Variants in PRKD2 observed in about 807,000 individuals in gnomAD.
The protein encoded by PRKD2 is serine/threonine-protein kinase D2.
In PRKD2, 22 loss-of-function variants were observed where a neutral mutation model predicts 86.0. The ratio of observed to expected loss-of-function variants is 0.26; its 90% confidence interval spans 0.18 to 0.37. The LOEUF is 0.37. Among genes scored for constraint, PRKD2 ranks in the 10% least tolerant of loss-of-function variants. PRKD2 has a pLI of 1.00. For missense variants in PRKD2, 818 were observed against 1,199.2 expected (o/e 0.68, Z 4.70); for synonymous variants, 509 against 510.9 (o/e 1.00, Z 0.05).
intron 14 of PRKD2, chr19:46,689,165 A>G (rs314670): frequency 0.77 from 107,937 of 140,090 alleles, 41,844 homozygotes; most frequent in African/African-American, 0.88. Context: ...TCTGTCGCCC[A>G]GGCTGGAGTG....
chr19:46,704,747 C>T, intron 3 of PRKD2, 98 bp from the exon 4 acceptor site: 2 of 1,443,848 alleles, frequency 1.4e-6, no homozygotes, highest in Admixed American at 2.4e-5. Context: ...TCACCTGGTC[C>T]TGTCCCATCA....
intron 13 of PRKD2, 125 bp from the exon 14 acceptor site, chr19:46,689,823 G>T (rs939424023): frequency 8.8e-7 from 1 of 1,132,674 alleles, no homozygotes; most frequent in Non-Finnish European, 1.3e-6. Context: ...GGCACTTGGA[G>T]AGGGAAGGGG....
intron 3 of PRKD2, among the ~76,000 whole-genome samples, chr19:46,705,346 C>T (rs151008304): frequency 9.2e-5 from 14 of 152,038 alleles, no homozygotes; most frequent in Non-Finnish European, 2.1e-4. Context: ...CCCCTCTTTC[C>T]CCAACCCCAA....
At chr19:46,686,203 TA>T (rs1456612441) in intron 14 of PRKD2, 1 of 152,002 alleles carries the variant, frequency 6.6e-6, no homozygotes, top group Admixed American at 6.6e-5. Context: ...TTTAACATCG[TA>T]AAAGTTCCAC....
chr19:46,716,298 C>G lies in PRKD2; in HGVS notation c.73G>C (p.Gly25Arg), dbSNP rs1175980848. The change falls in exon 1 of 18, where the codon GGC (glycine) becomes CGC (arginine). Residue 25 changes from glycine to arginine, a missense_variant. This residue lies in a region of PRKD2 where 403 missense variants were observed against 518.6 expected (regional missense o/e 0.78). Transcript: ENST00000291281. This position sits in a 1 kb window ranked among gnomAD's most constrained non-coding sequence, Gnocchi z 7.9. ...GGTGGCGGCGACTGCAGCTCTAGGC[C>G]GCCGGGGGGCGGAGGAGACCCCGGC... ...PGPGSPPPPG[G>R]LELQSPPPLL... 6.5e-7 allele frequency: 1 copy of G among 1,540,222 alleles called. No individual in the cohort carries two copies. Among genetic ancestry groups the G allele is most frequent in the African/African-American group, 1.4e-5 (1 of 70,264 alleles).
At chr19:46,706,894 T>C (rs1417974141) in intron 3 of PRKD2, among the ~76,000 whole-genome samples, 1 of 112,674 alleles carries the variant, frequency 8.9e-6, no homozygotes, top group African/African-American at 3.3e-5. Flanking sequence ...CTGGATTTCT[T>C]TTTTTTTTTT....
intron 14 of PRKD2, among the ~76,000 whole-genome samples, chr19:46,687,844 G>A (rs1226613517): frequency 6.6e-6 from 1 of 152,010 alleles, no homozygotes; most frequent in African/African-American, 2.4e-5. Flanking sequence ...GAATGAATGA[G>A]AGAAAAAGGG....
chr19:46,676,779 G>A (rs530651970), intron 16 of PRKD2, among the ~76,000 whole-genome samples: 11 of 152,310 alleles, frequency 7.2e-5, no homozygotes, highest in Admixed American at 2.6e-4. Context: ...GACAATGCTG[G>A]CGGGGTGTGA....
At position 46,693,185 on chromosome 19, in the gene PRKD2, G is replaced by T. The variant is rs2053506709; in HGVS notation, c.1576+690C>A. Among the ~76,000 whole-genome samples the T allele has an allele frequency of 6.6e-6, 1 of 152,088 alleles. No homozygotes were observed. Among genetic ancestry groups the T allele is most frequent in the Admixed American group, 6.6e-5 (1 of 15,260 alleles). ...GCTCCTCTAGCTCCCTAGCTTCCTTGTCCCAACCCTGCCCACCCTGGACTG... is the reference window on the plus strand; with the variant it reads ...GCTCCTCTAGCTCCCTAGCTTCCTTTTCCCAACCCTGCCCACCCTGGACTG... On this transcript the variant is annotated intron_variant, in intron 10 of 17. Transcript: ENST00000291281. This position sits in a 1 kb window ranked among gnomAD's most constrained non-coding sequence, Gnocchi z 4.5.
chr19:46,710,285 C>G (rs979201129), intron 3 of PRKD2: 4 of 152,678 alleles, frequency 2.6e-5, no homozygotes, highest in African/African-American at 7.2e-5. Context: ...GTCGAGCTCC[C>G]AGGCTCAAGT....
Position 46,713,994 on chromosome 19 carries a change from T to C in PRKD2, c.248A>G (p.Glu83Gly). ...ACSIVDQKFP[E>G]CGFYGLYDKI... Reference sequence around the variant, plus strand: ...GTCGTAAAGGCCGTAGAAGCCACACTCAGGGAACTGAGGGGCGGGAGAGGG... The same window carrying C: ...GTCGTAAAGGCCGTAGAAGCCACACCCAGGGAACTGAGGGGCGGGAGAGGG... The change falls in exon 2 of 18, where the codon GAG becomes GGG. Residue 83 changes from glutamate (E) to glycine (G), a missense_variant. By Grantham distance (98) the Glu-to-Gly change is moderately conservative (BLOSUM62 -2). This residue lies in a region of PRKD2 where 403 missense variants were observed against 518.6 expected (regional missense o/e 0.78). Transcript: ENST00000291281. 6.2e-7 allele frequency: 1 copy of C among 1,613,448 alleles called. No individual in the cohort carries two copies. Among genetic ancestry groups the C allele is most frequent in the Non-Finnish European group, 8.5e-7 (1 of 1,179,756 alleles).
rs199909805 is a variant in PRKD2 at position 46,704,526 on chromosome 19, G to A, written c.635C>T (p.Ser212Phe). The change falls in exon 4 of 18, where the codon TCC becomes TTC. Residue 212 changes from serine (S) to phenylalanine (F), a missense_variant. Coordinates refer to ENST00000291281, the MANE Select transcript of PRKD2 (RefSeq NM_016457.5). ...TTCAGCCGTGCAGGGCAGGGACTCG[G>A]AGGTGCCGAGGCGCACCGAGTGGCC... ...ASGHSVRLGT[S>F]ESLPCTAEEL... 1.2e-5 allele frequency: 19 copies of A among 1,614,044 alleles called. No homozygotes were observed. Among genetic ancestry groups the A allele is most frequent in the Non-Finnish European group, 1.5e-5 (18 of 1,180,032 alleles).
chr19:46,698,941 T>C (rs543206872), intron 7 of PRKD2, among the ~76,000 whole-genome samples: 28 of 152,122 alleles, frequency 1.8e-4, no homozygotes, highest in African/African-American at 5.8e-4. Context: ...CTCTTGACAG[T>C]GTATGACGGT....
At chr19:46,685,939 ACTCT>A (rs2053390513) in intron 14 of PRKD2, 1 of 152,260 alleles carries the variant, frequency 6.6e-6, no homozygotes, top group Non-Finnish European at 1.5e-5. Flanking sequence ...ACAAAGCGAG[ACTCT>A]GTCTCAAAAA....
intron 8 of PRKD2, among the ~76,000 whole-genome samples, chr19:46,697,516 T>C (rs1345196588): frequency 7.5e-6 from 1 of 133,066 alleles, no homozygotes; most frequent in African/African-American, 2.8e-5. Flanking sequence ...GCCCCTGACC[T>C]TGCCCTGAGC....
At chr19:46,706,868 C>T (rs2053720598) in intron 3 of PRKD2, among the ~76,000 whole-genome samples, 1 of 151,232 alleles carries the variant, frequency 6.6e-6, no homozygotes, top group Non-Finnish European at 1.5e-5. Flanking sequence ...ATCTGGAACA[C>T]AGGATATTGG....
rs1287836899 is a variant in PRKD2, at chr19:46,716,548, G to C, written c.-178C>G. 2.0e-6 allele frequency: 1 copy of C among 490,486 alleles called. No individual in the cohort carries two copies. The allele number at this position is 490,486 out of a possible 1,614,324, so 30.4% of individuals were successfully genotyped here. A position where few individuals can be genotyped will look rare whatever the true frequency, so the allele number is the denominator to read the frequency against. ...GGATGGCGGGGTCCTGGGAAGGAGA[G>C]AAAGGCACTATAGTGGGTCAGAGGC... On this transcript the variant is annotated 5_prime_UTR_variant, in exon 1 of 18. Transcript: ENST00000291281. This position sits in a 1 kb window ranked among gnomAD's most constrained non-coding sequence, Gnocchi z 7.9.
intron 15 of PRKD2, among the ~76,000 whole-genome samples, chr19:46,679,634 A>T (rs1207355469): frequency 5.9e-5 from 9 of 151,492 alleles, no homozygotes; most frequent in Admixed American, 5.9e-4. Flanking sequence ...TCATTGTTTT[A>T]TTTTTTTTGA....
intron 14 of PRKD2, among the ~76,000 whole-genome samples, chr19:46,685,258 CA>C (rs763420052): frequency 0.31 from 27,893 of 88,948 alleles, 2,392 homozygotes; most frequent in Middle Eastern, 0.4. Flanking sequence ...GACTTCGTCT[CA>C]AAAAAAAAAA....
Sources: gnomAD v4.1 joint callset for allele counts (sites outside exome capture counted in the v4.1 genomes callset) on GRCh38, gnomAD v4.1.1 for gene constraint, gnomAD v4.1.1 regional missense constraint, Gnocchi (gnomAD v3.1) non-coding constraint, MANE v1.5 for transcripts, NCBI Gene and HGNC (gene_info 2026-07-23, HGNC 2026-07-21) for gene names.